FANCC: variants seen among roughly 807,000 people sequenced by gnomAD.
FANCC encodes Fanconi anemia group C protein.
Under a neutral mutation model 71.3 loss-of-function variants are expected in FANCC, and 55 were observed. The observed-to-expected ratio is 0.77, with a 90% CI of 0.62 to 0.97. FANCC has a LOEUF of 0.97. Among genes scored for constraint, FANCC ranks in the 50% least tolerant of loss-of-function variants. The pLI, the probability that FANCC is intolerant of heterozygous loss-of-function variation, is 0.00. For synonymous variants in FANCC, 275 were observed against 244.9 expected, an observed-to-expected ratio of 1.12 and a Z score of -1.15; for missense variants, 678 against 670.9, an observed-to-expected ratio of 1.01 and a Z score of -0.12.
intron 4 of FANCC, among the ~76,000 whole-genome samples, chr9:95,190,144 A>G (rs555128055): frequency 2.0e-5 from 3 of 152,016 alleles, no homozygotes; most frequent in South Asian, 4.2e-4. Context: ...AATTTAACCA[A>G]TTTACAAGCT....
chr9:95,138,805 T>A (rs2135239202), intron 7 of FANCC, among the ~76,000 whole-genome samples: 1 of 152,296 alleles, frequency 6.6e-6, no homozygotes, highest in East Asian at 1.9e-4. Flanking sequence ...CCCATCCTGC[T>A]TAGCATAGTC....
chr9:95,212,389 A>G (rs1005357934), intron 4 of FANCC, among the ~76,000 whole-genome samples: 14 of 152,338 alleles, frequency 9.2e-5, no homozygotes, highest in Middle Eastern at 3.4e-3. Context: ...ATACAGATGA[A>G]CAAAGATAAA....
chr9:95,266,933 A>G (rs1832416306), intron 1 of FANCC, among the ~76,000 whole-genome samples: 1 of 152,160 alleles, frequency 6.6e-6, no homozygotes, highest in African/African-American at 2.4e-5. Context: ...TTTTGGATGG[A>G]TTCTCTTTAC....
chr9:95,295,749 A>ATTGT (rs1376749255), intron 1 of FANCC, among the ~76,000 whole-genome samples: 12 of 151,530 alleles, frequency 7.9e-5, no homozygotes, highest in African/African-American at 2.7e-4. Context: ...CCTGGGCAAC[A>ATTGT]CAGTGAGACC....
At chr9:95,282,587 TAACA>T (rs1041381173) in intron 1 of FANCC, among the ~76,000 whole-genome samples, 20 of 152,280 alleles carry the variant, frequency 1.3e-4, no homozygotes, top group African/African-American at 4.1e-4. Flanking sequence ...CAAATGGACC[TAACA>T]AACATTTACA....
At chr9:95,286,478 A>T (rs1833695689) in intron 1 of FANCC, among the ~76,000 whole-genome samples, 1 of 152,252 alleles carries the variant, frequency 6.6e-6, no homozygotes, top group Non-Finnish European at 1.5e-5. Flanking sequence ...TTTATCATTC[A>T]ATCATTTACC....
chr9:95,284,980 G>T (rs1054532456), intron 1 of FANCC, among the ~76,000 whole-genome samples: 11 of 151,040 alleles, frequency 7.3e-5, no homozygotes, highest in Middle Eastern at 3.4e-3. Flanking sequence ...AAGGAATAAG[G>T]GAGAAAGCAT....
At chr9:95,276,449 C>T (rs1444970023) in intron 1 of FANCC, among the ~76,000 whole-genome samples, 2 of 152,162 alleles carry the variant, frequency 1.3e-5, no homozygotes, top group African/African-American at 2.4e-5. Context: ...CCCTTGCCTA[C>T]CACATCTTCA....
intron 4 of FANCC, among the ~76,000 whole-genome samples, chr9:95,240,386 C>T (rs1267634209): frequency 6.6e-6 from 1 of 152,162 alleles, no homozygotes; most frequent in African/African-American, 2.4e-5. Context: ...ATTTTAATCA[C>T]CTGAAAGAAA....
chr9:95,240,780 G>GA (rs781109588), intron 3 of FANCC, 37 bp from the exon 4 acceptor site: 146 of 1,228,296 alleles, frequency 1.2e-4, no homozygotes, highest in Admixed American at 8.7e-4. Flanking sequence ...TTATCAAGCA[G>GA]AAAAAATCAT....
At chr9:95,209,362 A>G (rs1828350008) in intron 4 of FANCC, among the ~76,000 whole-genome samples, 1 of 152,178 alleles carries the variant, frequency 6.6e-6, no homozygotes, top group African/African-American at 2.4e-5. Context: ...AGTGAGCCCT[A>G]ATGTCAACTA....
At chr9:95,235,394 C>T (rs924100652) in intron 4 of FANCC, among the ~76,000 whole-genome samples, 1 of 152,128 alleles carries the variant, frequency 6.6e-6, no homozygotes, top group Non-Finnish European at 1.5e-5. Flanking sequence ...GGGACATCAA[C>T]GTGGAAATAA....
chr9:95,215,153 T>C (rs73534897), intron 4 of FANCC, among the ~76,000 whole-genome samples: 8,451 of 152,154 alleles, frequency 0.056, 319 homozygotes, highest in Middle Eastern at 0.16. Flanking sequence ...GACAAAGATA[T>C]CTCTTACAGT....
chr9:95,261,135 C>T (rs930876873), intron 1 of FANCC, among the ~76,000 whole-genome samples: 33 of 152,288 alleles, frequency 2.2e-4, no homozygotes, highest in African/African-American at 6.5e-4. Flanking sequence ...CAGTGTCACC[C>T]GAAGCAGACA....
chr9:95,139,271 G>A (rs775130586), intron 7 of FANCC, among the ~76,000 whole-genome samples: 33 of 152,126 alleles, frequency 2.2e-4, no homozygotes, highest in Non-Finnish European at 4.7e-4. Context: ...CCGTGTAGGC[G>A]CTGAGGAGAG....
intron 1 of FANCC, among the ~76,000 whole-genome samples, chr9:95,295,403 A>C (rs1834306556): frequency 6.6e-6 from 1 of 152,166 alleles, no homozygotes; most frequent in Admixed American, 6.5e-5. Context: ...AAAGCAAAAC[A>C]AAAAAACCTG....
chr9:95,136,337 C>T (rs1167995074), intron 7 of FANCC, among the ~76,000 whole-genome samples: 1 of 152,050 alleles, frequency 6.6e-6, no homozygotes, highest in African/African-American at 2.4e-5. Context: ...AGGCTGTGTT[C>T]ACGTCACTGC....
At chr9:95,285,417 A>C (rs1230741222) in intron 1 of FANCC, among the ~76,000 whole-genome samples, 1 of 152,224 alleles carries the variant, frequency 6.6e-6, no homozygotes, top group African/African-American at 2.4e-5. Context: ...AAAAATAATA[A>C]TGCCAATAAT....
chr9:95,263,260 T>G (rs894010185), intron 1 of FANCC, among the ~76,000 whole-genome samples: 6 of 152,040 alleles, frequency 3.9e-5, no homozygotes, highest in African/African-American at 1.4e-4. Flanking sequence ...ACACTGCTAG[T>G]TGCCCACCCA....
Sources: gnomAD v4.1 joint callset for allele counts (sites outside exome capture counted in the v4.1 genomes callset) on GRCh38, gnomAD v4.1.1 for gene constraint, MANE v1.5 for transcripts, NCBI Gene and HGNC (gene_info 2026-07-23, HGNC 2026-07-21) for gene names.